The following GRM4 variants were observed in gnomAD, a reference collection of about 807,000 sequenced individuals.
The protein encoded by GRM4 is metabotropic glutamate receptor 4.
GRM4 carries 28 observed loss-of-function variants against 81.7 expected under a neutral mutation model. That is an observed-to-expected ratio of 0.34 (90% CI 0.25 to 0.47). The LOEUF (loss-of-function observed/expected upper bound fraction) is 0.47. Ranked by LOEUF, GRM4 falls within the 20% of genes least tolerant of loss-of-function variation. The pLI is 1.00. For missense variants in GRM4, 948 were observed against 1,290.0 expected (o/e 0.73, Z 4.06); for synonymous variants, 488 against 528.8 (o/e 0.92, Z 1.06).
chr6:34,073,721 C>T (rs1459248245), intron 3 of GRM4, among the ~76,000 whole-genome samples: 1 of 152,176 alleles, frequency 6.6e-6, no homozygotes, highest in Non-Finnish European at 1.5e-5. Flanking sequence ...CAGCCCATCT[C>T]TTCTTAACTG....
rs1419354173 is a variant in GRM4, at chr6:34,121,129, G to A, written c.519+11849C>T. 2.0e-5 allele frequency among the ~76,000 whole-genome samples: 3 copies of A among 151,942 alleles called. No individual in the cohort carries two copies. The highest frequency in any genetic ancestry group is 2.9e-5 in the Non-Finnish European group (2 of 67,990). On this transcript the variant is annotated intron_variant, in intron 2 of 10. Transcript: ENST00000538487. The surrounding 1 kb of genome is among the most constrained non-coding windows in gnomAD (Gnocchi z 4.6). Reference sequence around the variant, plus strand: ...AGTAAAAGGCGGCGTGGTGAGAGCTGCACACACTCCACTTCCTGCTGAAGT... The same window carrying A: ...AGTAAAAGGCGGCGTGGTGAGAGCTACACACACTCCACTTCCTGCTGAAGT...
Position 34,035,545 on chromosome 6 carries a change from G to A in GRM4, c.2442+123C>T. ...GAAGGCAGAATGAGGCAAGAAAGAA[G>A]GCAGAATGAGGCATGAAAGAAGGCA... On this transcript the variant is annotated intron_variant, in intron 9 of 10. Transcript: ENST00000538487. The surrounding 1 kb of genome is among the most constrained non-coding windows in gnomAD (Gnocchi z 6.6). 2.8e-6 allele frequency: 1 copy of A among 359,974 alleles called. No individual in the cohort carries two copies. The highest frequency in any genetic ancestry group is 4.4e-6 in the Non-Finnish European group (1 of 226,178). The allele number at this position is 359,974 out of a possible 1,614,324, so 22.3% of individuals were successfully genotyped here.
At chr6:34,029,746 G>C (rs1017903758) in intron 9 of GRM4, among the ~76,000 whole-genome samples, 1 of 152,234 alleles carries the variant, frequency 6.6e-6, no homozygotes, top group African/African-American at 2.4e-5. Context: ...AGTGACCGCA[G>C]GCACTGAGAT....
intron 3 of GRM4, among the ~76,000 whole-genome samples, chr6:34,087,416 C>T (rs1767952262): frequency 7.0e-6 from 1 of 143,376 alleles, no homozygotes; most frequent in Admixed American, 6.9e-5. Flanking sequence ...GAGACTCCAT[C>T]TCAAAAAAAA....
intron 2 of GRM4, among the ~76,000 whole-genome samples, chr6:34,108,363 C>A (rs1482704310): frequency 6.6e-6 from 1 of 152,234 alleles, no homozygotes; most frequent in Non-Finnish European, 1.5e-5. Flanking sequence ...TTTATTTAGG[C>A]CTCACCAGAA....
intron 3 of GRM4, among the ~76,000 whole-genome samples, chr6:34,073,321 C>CACA (rs1767119552): frequency 1.6e-5 from 1 of 62,012 alleles, no homozygotes; most frequent in African/African-American, 6.4e-5. Flanking sequence ...CAGATACACA[C>CACA]CACACACACA....
intron 2 of GRM4, among the ~76,000 whole-genome samples, chr6:34,108,209 C>A (rs768470779): frequency 1.3e-5 from 2 of 152,232 alleles, no homozygotes; most frequent in Non-Finnish European, 2.9e-5. Context: ...TCTAACTCAC[C>A]GCATGACCTC....
In GRM4 at chr6:34,154,985, C is replaced by G. The variant is rs373779247; in HGVS notation, c.312+94G>C. 291 of 1,072,260 alleles carry G rather than the reference C, an allele frequency of 2.7e-4. 1 individual carries two copies. In the African/African-American group the frequency reaches 3.9e-3, roughly 14 times the overall value. 66.4% of individuals were successfully genotyped at this position (1,072,260 alleles called of 1,614,324 possible). ...CGGCCGGGCCTGGGGCGGGTCCGAG[C>G]GGGACCCAGGCCCAGTCTACGCCTC... On this transcript the variant is annotated intron_variant, in intron 1 of 8. Coordinates refer to the GRM4 transcript ENST00000374177.
rs932843836 is a variant in GRM4, at chr6:34,064,455, A to G, written c.737-2427T>C. Among the ~76,000 whole-genome samples, 2 of 152,210 alleles carry G rather than the reference A, an allele frequency of 1.3e-5. No homozygotes were observed. The highest frequency in any genetic ancestry group is 4.8e-5 in the African/African-American group (2 of 41,450). On this transcript the variant is annotated intron_variant, in intron 3 of 10. Transcript: ENST00000538487. The surrounding 1 kb of genome is among the most constrained non-coding windows in gnomAD (Gnocchi z 4.4). ...CATCTGGCTCCAGCGGCCACCTTTC[A>G]TCCAGTCATGTAGTGAATGGATAGG...
At position 34,035,960 on chromosome 6, in the gene GRM4, C is replaced by A. The variant is rs1242287214; in HGVS notation, c.2150G>T (p.Trp717Leu). 1 of 1,613,484 alleles carries A rather than the reference C, an allele frequency of 6.2e-7. No homozygotes were observed. Among genetic ancestry groups the A allele is most frequent in the African/African-American group, 1.3e-5 (1 of 75,032 alleles). ...CGAGTGGGAGGGGTCCACCACAAAC[C>A]ACACACAGATGCCCAGCAGCTGCAG... ...ISLQLLGICVWFVVDPSHSVV... is the reference protein window; with the variant it reads ...ISLQLLGICVLFVVDPSHSVV... The change falls in exon 9 of 11, where the codon TGG becomes TTG. Residue 717 changes from tryptophan to leucine, a missense_variant. By Grantham distance (61) the Trp-to-Leu change is moderately conservative. Transcript: ENST00000538487. The surrounding 1 kb of genome is among the most constrained non-coding windows in gnomAD (Gnocchi z 6.6).
chr6:34,044,271 T>TACACACACACAC (rs1554181558), intron 6 of GRM4, among the ~76,000 whole-genome samples: 16 of 139,636 alleles, frequency 1.1e-4, no homozygotes, highest in African/African-American at 2.4e-4. Flanking sequence ...CATACACATA[T>TACACACACACAC]ACACATACAC....
rs1769526388 is a variant in GRM4, at chr6:34,114,872, C to T, written c.519+18106G>A. On this transcript the variant is annotated intron_variant, in intron 2 of 10. Transcript: ENST00000538487. This position sits in a 1 kb window ranked among gnomAD's most constrained non-coding sequence, Gnocchi z 4.3. ...TATTCACTCGGCAATCCTGCCCATC[C>T]CCACCACCTGCTCCAGTATCTTGCA... 1.3e-5 allele frequency among the ~76,000 whole-genome samples: 2 copies of T among 152,184 alleles called. No homozygotes were observed. Among genetic ancestry groups the T allele is most frequent in the African/African-American group, 4.8e-5 (2 of 41,420 alleles).
chr6:34,118,143 T>A lies in GRM4; in HGVS notation c.519+14835A>T, dbSNP rs148210208. Among the ~76,000 whole-genome samples, 74 of 152,358 alleles carry A rather than the reference T, an allele frequency of 4.9e-4. 1 individual carries two copies. In the East Asian group the frequency reaches 0.013, roughly 27 times the overall value. On this transcript the variant is annotated intron_variant, in intron 2 of 10. Coordinates refer to ENST00000538487, the MANE Select transcript of GRM4 (RefSeq NM_000841.4). ...AAGGTTGCCATCCTGGATAGCAGAA[T>A]GAATGAGCAATTTCAAATTGCTTCT...
At position 34,035,964 on chromosome 6, in the gene GRM4, C is replaced by T; in HGVS notation, c.2146G>A (p.Val716Met). ...LISLQLLGIC[V>M]WFVVDPSHSV... ...TGGGAGGGGTCCACCACAAACCACACACAGATGCCCAGCAGCTGCAGCGAG... is the reference window on the plus strand; with the variant it reads ...TGGGAGGGGTCCACCACAAACCACATACAGATGCCCAGCAGCTGCAGCGAG... The change falls in exon 9 of 11, where the codon GTG (valine) becomes ATG (methionine). Residue 716 changes from valine to methionine, a missense_variant. Coordinates refer to ENST00000538487, the MANE Select transcript of GRM4 (RefSeq NM_000841.4). This position sits in a 1 kb window ranked among gnomAD's most constrained non-coding sequence, Gnocchi z 6.6. 1.9e-6 allele frequency: 3 copies of T among 1,613,542 alleles called. No individual in the cohort carries two copies. Among genetic ancestry groups the T allele is most frequent in the Admixed American group, 1.7e-5 (1 of 60,014 alleles).
chr6:34,135,585 C>G (rs1361960780), intron 1 of GRM4, among the ~76,000 whole-genome samples: 3 of 152,202 alleles, frequency 2.0e-5, no homozygotes, highest in Non-Finnish European at 4.4e-5. Flanking sequence ...GGACCTAGGA[C>G]TAGGGGCCAA....
intron 6 of GRM4, among the ~76,000 whole-genome samples, chr6:34,044,327 TAC>T (rs767524631): frequency 0.014 from 888 of 63,538 alleles, 3 homozygotes; most frequent in Admixed American, 0.021. Flanking sequence ...CAGACACACA[TAC>T]ACACAGACAT....
In GRM4 at chr6:34,133,871, AAGAG is replaced by A. The variant is rs1456621191; in HGVS notation, c.-363-16_-363-13del. The A allele has an allele frequency of 1.2e-5, 12 of 1,032,978 alleles. No homozygotes were observed. The highest frequency in any genetic ancestry group is 1.3e-5 in the Non-Finnish European group (11 of 859,616). 64.0% of individuals were successfully genotyped at this position (1,032,978 alleles called of 1,614,324 possible). ...CTCCTCCTACCAACCTTAGAAGGGG[AAGAG>A]AGAGAGAGAATATCAAACAGAAGCC... On this transcript the variant is annotated splice_polypyrimidine_tract_variant and intron_variant, in intron 1 of 10. Coordinates refer to ENST00000538487, the MANE Select transcript of GRM4 (RefSeq NM_000841.4). This position sits in a 1 kb window ranked among gnomAD's most constrained non-coding sequence, Gnocchi z 6.5.
rs895578038 is a variant in GRM4 at position 34,048,131 on chromosome 6, G to A, written c.1169-7383C>T. On this transcript the variant is annotated intron_variant, in intron 6 of 10. Coordinates refer to ENST00000538487, the MANE Select transcript of GRM4 (RefSeq NM_000841.4). The surrounding 1 kb of genome is among the most constrained non-coding windows in gnomAD (Gnocchi z 4.0). ...ATCCTCACGGCACTCCTGTGTCCCT[G>A]CGAATCTGGCCTCAAGAATGTGTCC... Among the ~76,000 whole-genome samples the A allele has an allele frequency of 5.3e-5, 8 of 152,156 alleles. No homozygotes were observed. The highest frequency in any genetic ancestry group is 1.9e-4 in the African/African-American group (8 of 41,430).
chr6:34,141,232 G>GC (rs1770678604), intron 1 of GRM4, among the ~76,000 whole-genome samples: 2 of 152,184 alleles, frequency 1.3e-5, no homozygotes, highest in African/African-American at 2.4e-5. Context: ...TGGTGGCCCA[G>GC]CCCGGGGAGA....
Sources: gnomAD v4.1 joint callset for allele counts (sites outside exome capture counted in the v4.1 genomes callset) on GRCh38, gnomAD v4.1.1 for gene constraint, Gnocchi (gnomAD v3.1) non-coding constraint, MANE v1.5 for transcripts, NCBI Gene and HGNC (gene_info 2026-07-23, HGNC 2026-07-21) for gene names.